Variants in HDAC9 observed in about 807,000 individuals in gnomAD.
The protein encoded by HDAC9 is histone deacetylase 9.
In HDAC9, 41 loss-of-function variants were observed where a neutral mutation model predicts 139.4. The observed-to-expected ratio is 0.29, with a 90% CI of 0.23 to 0.38. The LOEUF (loss-of-function observed/expected upper bound fraction) is 0.38. Ranked by LOEUF, HDAC9 falls within the 10% of genes least tolerant of loss-of-function variation. The probability of loss-of-function intolerance (pLI) is 1.00; values close to 1 mark genes in which losing one functional copy is unlikely to be tolerated. For missense variants in HDAC9, 1,147 were observed against 1,297.0 expected (o/e 0.88, Z 1.78); for synonymous variants, 517 against 476.2 (o/e 1.09, Z -1.12).
chr7:18,179,573 T>C (rs1017381200), intron 2 of HDAC9, among the ~76,000 whole-genome samples: 1 of 152,154 alleles, frequency 6.6e-6, no homozygotes, highest in African/African-American at 2.4e-5. Flanking sequence ...ACCCTCCCTC[T>C]CCTAAGGAAA....
intron 1 of HDAC9, among the ~76,000 whole-genome samples, chr7:18,324,333 C>A (rs964019052): frequency 6.6e-6 from 1 of 152,094 alleles, no homozygotes; most frequent in Non-Finnish European, 1.5e-5. Flanking sequence ...AGGCAAACCC[C>A]GGTTCAATTT....
intron 6 of HDAC9, among the ~76,000 whole-genome samples, chr7:18,618,592 G>C (rs183394963): frequency 5.9e-5 from 9 of 151,922 alleles, no homozygotes; most frequent in Non-Finnish European, 8.8e-5. Flanking sequence ...CTCTCACGCA[G>C]TCAGTTCACA....
chr7:18,284,210 T>C (rs1303360741), intron 2 of HDAC9, among the ~76,000 whole-genome samples: 3 of 152,174 alleles, frequency 2.0e-5, no homozygotes, highest in African/African-American at 7.2e-5. Context: ...CATATATTGT[T>C]TGTGTGACTT....
chr7:18,445,543 G>C (rs1792211268), intron 1 of HDAC9, among the ~76,000 whole-genome samples: 1 of 152,156 alleles, frequency 6.6e-6, no homozygotes, highest in Admixed American at 6.5e-5. Flanking sequence ...TTCCATTGTT[G>C]AAAGAATTAC....
At chr7:18,630,232 G>T (rs1039034603) in intron 7 of HDAC9, among the ~76,000 whole-genome samples, 2 of 151,976 alleles carry the variant, frequency 1.3e-5, no homozygotes, top group Non-Finnish European at 2.9e-5. Flanking sequence ...CTTAGAGTCA[G>T]GTACTGTATC....
chr7:18,790,398 A>T (rs1792195028), intron 16 of HDAC9, among the ~76,000 whole-genome samples: 1 of 138,240 alleles, frequency 7.2e-6, no homozygotes, highest in Non-Finnish European at 1.6e-5. Context: ...ACTTTAGTAC[A>T]AGGAAAGGGC....
chr7:18,355,750 A>G (rs1019039029), intron 1 of HDAC9, among the ~76,000 whole-genome samples: 7 of 152,198 alleles, frequency 4.6e-5, no homozygotes, highest in Non-Finnish European at 2.9e-5. Flanking sequence ...CCATTTCGTG[A>G]CACTGATCAA....
chr7:18,957,604 T>A (rs1783242381), intron 24 of HDAC9, among the ~76,000 whole-genome samples: 1 of 152,144 alleles, frequency 6.6e-6, no homozygotes, highest in South Asian at 2.1e-4. Flanking sequence ...TGTGAACTCT[T>A]CCTTGTTAAA....
intron 2 of HDAC9, among the ~76,000 whole-genome samples, chr7:18,535,872 A>G (rs1472244479): frequency 6.6e-6 from 1 of 152,214 alleles, no homozygotes; most frequent in East Asian, 1.9e-4. Context: ...AGGAATGATC[A>G]ATGAAACTCT....
chr7:18,178,065 T>G, intron 2 of HDAC9, among the ~76,000 whole-genome samples: 1 of 136,084 alleles, frequency 7.3e-6, no homozygotes, highest in African/African-American at 2.7e-5. Context: ...TTCCCTCCCG[T>G]TCCCTCCTCC....
intron 1 of HDAC9, among the ~76,000 whole-genome samples, chr7:18,406,069 G>A (rs1232716432): frequency 6.6e-6 from 1 of 152,068 alleles, no homozygotes; most frequent in Non-Finnish European, 1.5e-5. Context: ...AAGCAATATT[G>A]TACAATTATG....
chr7:18,849,676 G>A (rs1797143273), intron 21 of HDAC9, among the ~76,000 whole-genome samples: 1 of 152,146 alleles, frequency 6.6e-6, no homozygotes, highest in Admixed American at 6.5e-5. Context: ...GACTTCATTT[G>A]TTATTCATAA....
At chr7:18,809,781 G>T (rs1007537660) in intron 17 of HDAC9, among the ~76,000 whole-genome samples, 2 of 151,770 alleles carry the variant, frequency 1.3e-5, no homozygotes, top group African/African-American at 2.4e-5. Context: ...AATCTAAATG[G>T]GAAATTTATC....
chr7:18,750,593 T>C (rs1788357355), intron 14 of HDAC9, among the ~76,000 whole-genome samples: 1 of 152,204 alleles, frequency 6.6e-6, no homozygotes, highest in Non-Finnish European at 1.5e-5. Context: ...CATTTTTTTT[T>C]GCCAGTGGCA....
intron 12 of HDAC9, among the ~76,000 whole-genome samples, chr7:18,683,433 A>G (rs1160586197): frequency 6.6e-6 from 1 of 152,032 alleles, no homozygotes; most frequent in Non-Finnish European, 1.5e-5. Flanking sequence ...TGTTCTTTCC[A>G]TTAAACATCG....
chr7:18,787,605 G>T (rs1264569550), intron 16 of HDAC9, among the ~76,000 whole-genome samples: 5 of 152,120 alleles, frequency 3.3e-5, no homozygotes, highest in Non-Finnish European at 7.4e-5. Flanking sequence ...AGATTCCAGA[G>T]GAATCTGAAG....
intron 2 of HDAC9, among the ~76,000 whole-genome samples, chr7:18,222,997 GA>G (rs1792809742): frequency 6.6e-6 from 1 of 152,150 alleles, no homozygotes. Context: ...TATTGCAGGA[GA>G]AAGTCCTTTT....
chr7:18,445,243 C>A (rs1420525949), intron 1 of HDAC9, among the ~76,000 whole-genome samples: 1 of 152,178 alleles, frequency 6.6e-6, no homozygotes, highest in Non-Finnish European at 1.5e-5. Flanking sequence ...AAAGTTAGTT[C>A]TATTAGCTCA....
intron 2 of HDAC9, among the ~76,000 whole-genome samples, chr7:18,202,647 A>G (rs546077872): frequency 4.1e-4 from 62 of 152,370 alleles, no homozygotes; most frequent in African/African-American, 7.7e-4. Flanking sequence ...GTGTTCCAGT[A>G]GCATACTTGG....
Sources: allele counts gnomAD v4.1 joint callset (sites outside exome capture counted in the v4.1 genomes callset), GRCh38; gene constraint gnomAD v4.1.1; transcripts MANE v1.5; gene names NCBI Gene and HGNC (gene_info 2026-07-23, HGNC 2026-07-21).